NUDT3: variants seen among roughly 807,000 people sequenced by gnomAD.
NUDT3 encodes nudix hydrolase 3.
Under a neutral mutation model 23.6 loss-of-function variants are expected in NUDT3, and 9 were observed. The observed-to-expected ratio is 0.38, with a 90% CI of 0.23 to 0.66. NUDT3 has a LOEUF of 0.66. Among genes scored for constraint, NUDT3 ranks in the 30% least tolerant of loss-of-function variants. The pLI, the probability that NUDT3 is intolerant of heterozygous loss-of-function variation, is 0.52. For missense variants in NUDT3, 172 were observed against 218.5 expected, an observed-to-expected ratio of 0.79 and a Z score of 1.34; for synonymous variants, 86 against 82.6, an observed-to-expected ratio of 1.04 and a Z score of -0.22.
intron 2 of NUDT3, among the ~76,000 whole-genome samples, chr6:34,334,486 G>A (rs206935): frequency 6.6e-6 from 1 of 151,766 alleles, no homozygotes; most frequent in African/African-American, 2.4e-5. Context: ...CTAAAAATAC[G>A]AAACTAGCCG....
rs551259972 is a variant in NUDT3 at position 34,361,072 on chromosome 6, A to G, written c.100-19100T>C. Among the ~76,000 whole-genome samples the G allele has an allele frequency of 9.2e-5, 14 of 152,188 alleles. No individual in the cohort carries two copies. In the South Asian group the frequency reaches 2.9e-3, roughly 32 times the overall value. On this transcript the variant is annotated intron_variant, in intron 1 of 4. Transcript: ENST00000607016. ...ACCCCATTTCTATAAAAAATTTTAA[A>G]AATTAGCCAGCATGGTGGTGTGCAC...
At chr6:34,336,568 G>A (rs1764211934) in intron 2 of NUDT3, among the ~76,000 whole-genome samples, 1 of 152,008 alleles carries the variant, frequency 6.6e-6, no homozygotes, top group South Asian at 2.1e-4. Flanking sequence ...TTTTTAGTTT[G>A]ATACAATCCA....
chr6:34,378,053 T>C (rs1764954451), intron 1 of NUDT3, among the ~76,000 whole-genome samples: 1 of 151,038 alleles, frequency 6.6e-6, no homozygotes, highest in East Asian at 1.9e-4. Flanking sequence ...ACACCTATAA[T>C]CCCAGCACTT....
At position 34,288,818 on chromosome 6, in the gene NUDT3, C is replaced by A. The variant is rs1197168251; in HGVS notation, c.454G>T (p.Gly152Cys). 6.2e-7 allele frequency: 1 copy of A among 1,614,066 alleles called. No homozygotes were observed. Among genetic ancestry groups the A allele is most frequent in the South Asian group, 1.1e-5 (1 of 91,078 alleles). Residue 152 changes from glycine (G) to cysteine (C), a missense_variant, in exon 5 of 5, where the codon GGC becomes TGC. Physicochemically the swap from Gly to Cys is radical, Grantham distance 159. Around this residue, in one of 3 missense-constraint regions of NUDT3, gnomAD observed 63 missense variants for 64.9 expected, o/e 0.97. Coordinates refer to ENST00000607016, the MANE Select transcript of NUDT3 (RefSeq NM_006703.4). ...TLRQGYSANN[G>C]TPVVATTYSV... ...TATGTGGTGGCCACGACTGGGGTGC[C>A]ATTGTTGGCTGAGTAGCCTTGCCTC...
intron 2 of NUDT3, among the ~76,000 whole-genome samples, chr6:34,313,051 T>G (rs576943058): frequency 3.9e-5 from 6 of 152,126 alleles, no homozygotes; most frequent in African/African-American, 1.2e-4. Context: ...ACTACAGGCC[T>G]GTACTCCCAG....
chr6:34,326,955 C>G (rs188469813), intron 2 of NUDT3, among the ~76,000 whole-genome samples: 64 of 151,996 alleles, frequency 4.2e-4, no homozygotes, highest in South Asian at 1.2e-3. Context: ...AGAGATCGTA[C>G]GAAATAAAGA....
In NUDT3 at chr6:34,326,610, C is replaced by CT. The variant is rs906514439; in HGVS notation, c.210+15251dup. Reference sequence around the variant, plus strand: ...CATGATAATCCAGCTTTTTTTTTTTCTTTTTTTTGACACGGAGTCTTGCTC... The same window carrying CT: ...CATGATAATCCAGCTTTTTTTTTTTCTTTTTTTTTGACACGGAGTCTTGCTC... On this transcript the variant is annotated intron_variant, in intron 2 of 4. Transcript: ENST00000607016. Among the ~76,000 whole-genome samples the CT allele has an allele frequency of 5.5e-5, 8 of 144,740 alleles. No homozygotes were observed. The South Asian group carries it at 6.5e-4, about 12-fold the overall frequency. 95.0% of individuals were successfully genotyped at this position (144,740 alleles called of 152,430 possible). A position where few individuals can be genotyped will look rare whatever the true frequency, so the allele number is the denominator to read the frequency against.
chr6:34,327,459 G>A (rs779109460), intron 2 of NUDT3, among the ~76,000 whole-genome samples: 17 of 151,626 alleles, frequency 1.1e-4, no homozygotes, highest in Non-Finnish European at 2.2e-4. Context: ...GAACCTGGGA[G>A]GTGGAGGTTG....
chr6:34,340,170 C>T (rs762492640), intron 2 of NUDT3, among the ~76,000 whole-genome samples: 1 of 152,154 alleles, frequency 6.6e-6, no homozygotes, highest in Non-Finnish European at 1.5e-5. Context: ...TACAAGGAGA[C>T]AAGCCCGCAA....
intron 1 of NUDT3, among the ~76,000 whole-genome samples, chr6:34,380,834 T>C (rs1765004186): frequency 6.6e-6 from 1 of 152,216 alleles, no homozygotes; most frequent in South Asian, 2.1e-4. Flanking sequence ...TCTGGGCCTC[T>C]GACTTAGACG....
chr6:34,312,272 C>T (rs553814548), intron 2 of NUDT3, among the ~76,000 whole-genome samples: 5 of 151,922 alleles, frequency 3.3e-5, no homozygotes, highest in Non-Finnish European at 5.9e-5. Context: ...TGTGGTGGTG[C>T]GCGCCTATAA....
chr6:34,281,355 T>C lies in NUDT3; in HGVS notation c.*7398A>G, dbSNP rs1353704436. Reference sequence around the variant, plus strand: ...GAAGATGCTACTACTGGCCTTCCACTTCCTCTCTCTGATACACCTAAGAAG... The same window carrying C: ...GAAGATGCTACTACTGGCCTTCCACCTCCTCTCTCTGATACACCTAAGAAG... On this transcript the variant is annotated 3_prime_UTR_variant, in exon 5 of 5. Transcript: ENST00000607016. 2 of 152,210 alleles carry C rather than the reference T, an allele frequency of 1.3e-5. No individual in the cohort carries two copies. Among genetic ancestry groups the C allele is most frequent in the East Asian group, 1.9e-4 (1 of 5,202 alleles). 9.4% of individuals were successfully genotyped at this position (152,210 alleles called of 1,614,324 possible).
chr6:34,375,479 T>A (rs1414548494), intron 1 of NUDT3, among the ~76,000 whole-genome samples: 1 of 152,202 alleles, frequency 6.6e-6, no homozygotes, highest in Non-Finnish European at 1.5e-5. Flanking sequence ...TGAGGATAAA[T>A]ACCATTCAGC....
At chr6:34,351,512 C>T (rs1278573649) in intron 1 of NUDT3, among the ~76,000 whole-genome samples, 3 of 148,946 alleles carry the variant, frequency 2.0e-5, no homozygotes, top group African/African-American at 5.0e-5. Context: ...GAGGCCAAGG[C>T]GGGCATGTCA....
intron 2 of NUDT3, among the ~76,000 whole-genome samples, chr6:34,298,509 G>A (rs946425444): frequency 6.7e-6 from 1 of 149,990 alleles, no homozygotes; most frequent in African/African-American, 2.5e-5. Flanking sequence ...AGACACAAAT[G>A]TGTAAAATCT....
At chr6:34,313,775 A>T (rs541705057) in intron 2 of NUDT3, among the ~76,000 whole-genome samples, 1 of 151,872 alleles carries the variant, frequency 6.6e-6, no homozygotes, top group East Asian at 1.9e-4. Context: ...ATCCTGGCTA[A>T]CACAGTGAAA....
intron 4 of NUDT3, among the ~76,000 whole-genome samples, chr6:34,289,772 A>C (rs1248033307): frequency 6.6e-6 from 1 of 152,222 alleles, no homozygotes; most frequent in Non-Finnish European, 1.5e-5. Context: ...TCCATGCTTT[A>C]AAATCCTTTA....
intron 2 of NUDT3, among the ~76,000 whole-genome samples, chr6:34,315,723 TC>T (rs1406538052): frequency 1.3e-5 from 2 of 152,200 alleles, no homozygotes; most frequent in African/African-American, 4.8e-5. Context: ...TGACATCCTT[TC>T]AACAATGTGA....
intron 2 of NUDT3, among the ~76,000 whole-genome samples, chr6:34,329,132 T>C (rs1174232291): frequency 6.6e-6 from 1 of 152,240 alleles, no homozygotes; most frequent in African/African-American, 2.4e-5. Flanking sequence ...CATGAAATTC[T>C]GCTTTCCTGT....
Sources: allele counts gnomAD v4.1 joint callset (sites outside exome capture counted in the v4.1 genomes callset), GRCh38; gene constraint gnomAD v4.1.1; regional missense constraint gnomAD v4.1.1; transcripts MANE v1.5; gene names NCBI Gene and HGNC (gene_info 2026-07-23, HGNC 2026-07-21).